The following LRRFIP2 variants were observed in gnomAD, a reference collection of about 807,000 sequenced individuals.
LRRFIP2 encodes the protein LRR binding FLII interacting protein 2.
Under a neutral mutation model 125.9 loss-of-function variants are expected in LRRFIP2, and 109 were observed. The observed-to-expected ratio is 0.87, with a 90% CI of 0.74 to 1.01. The LOEUF is 1.01. LRRFIP2 is among the 50% of genes least tolerant of loss of function. The probability of loss-of-function intolerance (pLI) is 0.00; values close to 1 mark genes in which losing one functional copy is unlikely to be tolerated. For synonymous variants in LRRFIP2, 291 were observed against 293.1 expected, an observed-to-expected ratio of 0.99 and a Z score of 0.07; for missense variants, 850 against 862.3, an observed-to-expected ratio of 0.99 and a Z score of 0.18.
intron 25 of LRRFIP2, among the ~76,000 whole-genome samples, chr3:37,057,956 C>T (rs2087389484): frequency 6.6e-6 from 1 of 152,088 alleles, no homozygotes; most frequent in South Asian, 2.1e-4. Flanking sequence ...ATAGAATAGA[C>T]TTTATTTTGT....
intron 20 of LRRFIP2, 55 bp downstream of exon 20, chr3:37,074,969 C>A: frequency 8.6e-7 from 1 of 1,157,780 alleles, no homozygotes. Context: ...ACATCCTCAT[C>A]CCATTCAACT....
intron 6 of LRRFIP2, among the ~76,000 whole-genome samples, chr3:37,118,253 G>C (rs2094881543): frequency 6.6e-6 from 1 of 152,068 alleles, no homozygotes; most frequent in Non-Finnish European, 1.5e-5. Flanking sequence ...ATTTTTAGTA[G>C]ATACAAGGTC....
chr3:37,058,758 A>ACC, intron 25 of LRRFIP2, 32 bp downstream of exon 25: 1 of 1,613,286 alleles, frequency 6.2e-7, no homozygotes, highest in Middle Eastern at 1.7e-4. Context: ...GTCTATATAC[A>ACC]GACTGGGACT....
At chr3:37,166,236 A>C (rs984293931) in intron 1 of LRRFIP2, among the ~76,000 whole-genome samples, 3 of 152,066 alleles carry the variant, frequency 2.0e-5, no homozygotes, top group African/African-American at 7.2e-5. Context: ...AGACTGAGGC[A>C]GGAGAATAGC....
chr3:37,108,025 G>A (rs773784384), intron 13 of LRRFIP2, 48 bp downstream of exon 13: 3 of 1,495,522 alleles, frequency 2.0e-6, no homozygotes, highest in South Asian at 1.1e-5. Flanking sequence ...ACAGATTAAC[G>A]CAACAATCAA....
At chr3:37,101,643 C>T (rs533500710) in intron 15 of LRRFIP2, among the ~76,000 whole-genome samples, 4 of 136,734 alleles carry the variant, frequency 2.9e-5, no homozygotes, top group Admixed American at 1.6e-4. Context: ...CCGACCTGGA[C>T]GATAGGTCTC....
At chr3:37,141,108 A>C (rs1037040472) in intron 2 of LRRFIP2, among the ~76,000 whole-genome samples, 6 of 152,144 alleles carry the variant, frequency 3.9e-5, no homozygotes, top group African/African-American at 1.4e-4. Flanking sequence ...CTAAGATTGC[A>C]CCACTGCACT....
intron 14 of LRRFIP2, among the ~76,000 whole-genome samples, chr3:37,104,741 T>C (rs1201162094): frequency 6.6e-6 from 1 of 152,244 alleles, no homozygotes; most frequent in Non-Finnish European, 1.5e-5. Context: ...ATTATTTGTA[T>C]TCTAACATAG....
At chr3:37,062,578 A>G (rs999643319) in intron 24 of LRRFIP2, among the ~76,000 whole-genome samples, 3 of 152,236 alleles carry the variant, frequency 2.0e-5, no homozygotes, top group African/African-American at 7.2e-5. Context: ...AAGCTTCCAC[A>G]AAGAGGAGAA....
In LRRFIP2 at chr3:37,092,845, AT is replaced by A. The variant is rs548955019; in HGVS notation, c.1036-1308del. Among the ~76,000 whole-genome samples, 201 of 141,904 alleles carry A rather than the reference AT, an allele frequency of 1.4e-3. 8 individuals carry two copies. In the South Asian group the frequency reaches 0.038, roughly 27 times the overall value. 93.1% of individuals were successfully genotyped at this position (141,904 alleles called of 152,430 possible). A position where few individuals can be genotyped will look rare whatever the true frequency, so the allele number is the denominator to read the frequency against. ...CCTTTTCCAACCCTACCGACAATTT[AT>A]TTTTTTTTTTGAGATGGATTCTCGC... On this transcript the variant is annotated intron_variant, in intron 17 of 27. Coordinates refer to ENST00000336686, the MANE Select transcript of LRRFIP2 (RefSeq NM_006309.4).
intron 1 of LRRFIP2, among the ~76,000 whole-genome samples, chr3:37,157,052 C>A (rs957627738): frequency 3.3e-5 from 5 of 152,130 alleles, no homozygotes; most frequent in Non-Finnish European, 5.9e-5. Context: ...TTCCTGGAAC[C>A]TGGAAGGCAG....
intron 21 of LRRFIP2, chr3:37,067,082 A>G (rs2090301502): frequency 6.6e-6 from 1 of 152,244 alleles, no homozygotes; most frequent in Admixed American, 6.5e-5. Flanking sequence ...TACTTGTCCT[A>G]TGCCTCAGTT....
chr3:37,103,467 G>A (rs954396564), intron 14 of LRRFIP2, among the ~76,000 whole-genome samples: 3 of 152,142 alleles, frequency 2.0e-5, no homozygotes, highest in African/African-American at 7.2e-5. Context: ...AGTTTACACA[G>A]TTCCCCTTTT....
chr3:37,141,306 T>TA (rs147468233), intron 2 of LRRFIP2, among the ~76,000 whole-genome samples: 3,505 of 152,308 alleles, frequency 0.023, 62 homozygotes, highest in Middle Eastern at 0.031. Context: ...AAATCAAATG[T>TA]AAATTCCTCA....
At chr3:37,144,447 T>A (rs1052082487) in intron 2 of LRRFIP2, among the ~76,000 whole-genome samples, 38 of 152,102 alleles carry the variant, frequency 2.5e-4, no homozygotes, top group African/African-American at 8.2e-4. Context: ...GTATTTAATG[T>A]TTTTCAAAAA....
intron 1 of LRRFIP2, among the ~76,000 whole-genome samples, chr3:37,156,701 A>AAAAAAG (rs2096209705): frequency 6.7e-6 from 1 of 149,036 alleles, no homozygotes; most frequent in African/African-American, 2.5e-5. Context: ...AAAAAAAAAA[A>AAAAAAG]AAGAAGTGTG....
intron 14 of LRRFIP2, among the ~76,000 whole-genome samples, chr3:37,103,395 C>CT (rs1207118287): frequency 6.6e-6 from 1 of 152,166 alleles, no homozygotes; most frequent in African/African-American, 2.4e-5. Context: ...GCTATCAACT[C>CT]TGTTAAGAAT....
intron 12 of LRRFIP2, 21 bp downstream of exon 12, chr3:37,108,616 C>T: frequency 6.3e-7 from 1 of 1,596,888 alleles, no homozygotes; most frequent in Non-Finnish European, 8.6e-7. Context: ...CTCTTCACCA[C>T]CTTCCCCTAT....
intron 1 of LRRFIP2, among the ~76,000 whole-genome samples, chr3:37,152,861 G>T (rs939574565): frequency 2.8e-4 from 42 of 152,242 alleles, no homozygotes; most frequent in African/African-American, 9.9e-4. Context: ...ATGCACTATG[G>T]TATCATCCAA....
Sources: gnomAD v4.1 joint callset for allele counts (sites outside exome capture counted in the v4.1 genomes callset) on GRCh38, gnomAD v4.1.1 for gene constraint, MANE v1.5 for transcripts, NCBI Gene and HGNC (gene_info 2026-07-23, HGNC 2026-07-21) for gene names.